Variants in NCOR2 observed in about 807,000 individuals in gnomAD.
NCOR2 encodes nuclear receptor corepressor 2.
A neutral mutation model predicts 262.9 loss-of-function variants in NCOR2; 81 were observed. The observed-to-expected ratio is 0.31, with a 90% CI of 0.26 to 0.37. The LOEUF (loss-of-function observed/expected upper bound fraction) is 0.37, where lower values mean the gene tolerates loss of function less well. NCOR2 is among the 10% of genes least tolerant of loss of function. The pLI, the probability that NCOR2 is intolerant of heterozygous loss-of-function variation, is 1.00. For missense variants in NCOR2, 3,385 were observed against 3,621.4 expected (o/e 0.93, Z 1.68); for synonymous variants, 1,659 against 1,559.3 (o/e 1.06, Z -1.51).
chr12:124,489,003 C>G (rs545427218), intron 1 of NCOR2, among the ~76,000 whole-genome samples: 3 of 151,886 alleles, frequency 2.0e-5, no homozygotes. Context: ...GGACCCTAAA[C>G]CCTGGGAGAC....
chr12:124,422,576 G>A lies in NCOR2; in HGVS notation c.1329-21C>T, dbSNP rs528769762. 324 of 1,613,596 alleles carry A rather than the reference G, an allele frequency of 2.0e-4. 3 individuals are homozygous for A. The East Asian group carries it at 3.0e-3, about 15-fold the overall frequency. ...TGAACCTGCGGGACGAGAAGGGTGG[G>A]CGTGAGACCTGGCCGAGGGGGGCTT... On this transcript the variant is annotated intron_variant, in intron 11 of 46. Coordinates refer to ENST00000405201, the Ensembl canonical transcript of NCOR2.
rs770427410 is a variant in NCOR2 at position 124,419,950 on chromosome 12, C to T, written c.1482+7G>A. ...GCAAGGACAGTCACCCCCACCTTGC[C>T]TCTTACCTGGCTCTTGCCGCGGCGC... On this transcript the variant is annotated splice_region_variant and intron_variant, in intron 13 of 46. Transcript: ENST00000405201. 5 of 1,613,320 alleles carry T rather than the reference C, an allele frequency of 3.1e-6. No homozygotes were observed. In the Admixed American group the frequency reaches 8.3e-5, roughly 27 times the overall value.
chr12:124,501,191 G>A (rs571006882), intron 1 of NCOR2, among the ~76,000 whole-genome samples: 8 of 151,910 alleles, frequency 5.3e-5, no homozygotes, highest in Non-Finnish European at 1.2e-4. Context: ...AACACAGGCC[G>A]TGCCTCCACT....
intron 41 of NCOR2, 43 bp from the exon 44 acceptor site, chr12:124,333,322 A>G: frequency 6.7e-7 from 1 of 1,485,740 alleles, no homozygotes; most frequent in Non-Finnish European, 9.0e-7. Context: ...AGGTCTCCCT[A>G]CTGAGGGGGC....
intron 27 of NCOR2, among the ~76,000 whole-genome samples, chr12:124,351,343 C>T (rs998876473): frequency 3.3e-5 from 5 of 151,956 alleles, no homozygotes; most frequent in African/African-American, 1.2e-4. Flanking sequence ...GGTTTTCCAC[C>T]TCGGCCCTCC....
intron 17 of NCOR2, among the ~76,000 whole-genome samples, chr12:124,384,749 G>A (rs150295653): frequency 2.1e-3 from 315 of 152,152 alleles, no homozygotes; most frequent in Middle Eastern, 0.01. Context: ...TGGCCTGCCC[G>A]GAACCCACTG....
chr12:124,492,236 TAC>T (rs1300069614), intron 1 of NCOR2, among the ~76,000 whole-genome samples: 1 of 152,158 alleles, frequency 6.6e-6, no homozygotes, highest in Non-Finnish European at 1.5e-5. Context: ...AAGAGATGAC[TAC>T]CCCGCGCTTG....
intron 22 of NCOR2, among the ~76,000 whole-genome samples, chr12:124,359,748 G>T (rs577412012): frequency 6.6e-6 from 1 of 152,368 alleles, no homozygotes; most frequent in African/African-American, 2.4e-5. Context: ...GCGGCCGAGA[G>T]CCTGGAGAGA....
chr12:124,364,681 T>G (rs1022672455), intron 20 of NCOR2, among the ~76,000 whole-genome samples: 1 of 152,180 alleles, frequency 6.6e-6, no homozygotes, highest in Non-Finnish European at 1.5e-5. Flanking sequence ...GCACCGGGTA[T>G]AGCACCTGCC....
chr12:124,361,550 G>A (rs891415920), intron 22 of NCOR2, among the ~76,000 whole-genome samples: 4 of 152,230 alleles, frequency 2.6e-5, no homozygotes, highest in African/African-American at 9.6e-5. Flanking sequence ...GTGACACAGC[G>A]GCTCGGGAGT....
chr12:124,357,742 A>T (rs1375714697), intron 22 of NCOR2, among the ~76,000 whole-genome samples: 1 of 152,262 alleles, frequency 6.6e-6, no homozygotes, highest in Non-Finnish European at 1.5e-5. Flanking sequence ...TCTTTGCAGG[A>T]AAAGCTTGCT....
At chr12:124,430,746 G>A (rs1245917343) in exon 9 of NCOR2, 2 of 1,614,056 alleles carry the variant, frequency 1.2e-6, no homozygotes, top group Admixed American at 3.3e-5. Context: ...TCTTCTCCCA[G>A]GCCTCCATGA....
In NCOR2 at chr12:124,566,956, C is replaced by T. The variant is rs1227267717; in HGVS notation, c.-165+352G>A. The stretch of plus-strand genomic sequence containing the variant: ...CGCCCCGCCAGGTCCGGGGCTACAC[C>T]GGGTACAAGGGACGCCTGGCGGCCA... On this transcript the variant is annotated intron_variant, in intron 1 of 32. Coordinates refer to the NCOR2 transcript ENST00000458234. The surrounding 1 kb of genome is among the most constrained non-coding windows in gnomAD (Gnocchi z 4.3). 6.6e-6 allele frequency among the ~76,000 whole-genome samples: 1 copy of T among 152,188 alleles called. No individual in the cohort carries two copies. The highest frequency in any genetic ancestry group is 1.5e-5 in the Non-Finnish European group (1 of 68,020).
chr12:124,428,090 C>CGTGTGTGTGTGTGTGTGTGT lies in NCOR2; in HGVS notation c.1150-1291_1150-1290insACACACACACACACACACAC, dbSNP rs1412280487. Among the ~76,000 whole-genome samples, 238 of 138,080 alleles carry CGTGTGTGTGTGTGTGTGTGT rather than the reference C, an allele frequency of 1.7e-3. 1 individual carries two copies. The highest frequency in any genetic ancestry group is 4.9e-3 in the East Asian group (22 of 4,516). The allele number at this position is 138,080 out of a possible 152,430, so 90.6% of individuals were successfully genotyped here. A position where few individuals can be genotyped will look rare whatever the true frequency, so the allele number is the denominator to read the frequency against. On this transcript the variant is annotated intron_variant, in intron 10 of 46. Coordinates refer to ENST00000405201, the Ensembl canonical transcript of NCOR2. ...GTGTGTGTGTGTGTGTGTGTGTGTA[C>CGTGTGTGTGTGTGTGTGTGT]ATGCAACAATCAGCCCAGGTGCCAC...
chr12:124,473,256 T>C, intron 3 of NCOR2, 125 bp from the exon 6 acceptor site: 3 of 1,161,126 alleles, frequency 2.6e-6, no homozygotes, highest in Non-Finnish European at 3.6e-6. Context: ...ATCCTCGGTA[T>C]GTCTGTGAGG....
At chr12:124,544,171 G>A (rs553849684) in intron 1 of NCOR2, among the ~76,000 whole-genome samples, 1 of 152,312 alleles carries the variant, frequency 6.6e-6, no homozygotes, top group African/African-American at 2.4e-5. Flanking sequence ...GAAGCTTCGG[G>A]AAACCTCTCT....
At chr12:124,411,377 G>GT (rs954706730) in intron 13 of NCOR2, among the ~76,000 whole-genome samples, 2 of 152,206 alleles carry the variant, frequency 1.3e-5, no homozygotes, top group Non-Finnish European at 2.9e-5. Context: ...ACAGTGGAGA[G>GT]TGGACGGCAG....
chr12:124,412,874 C>G (rs1395805003), intron 13 of NCOR2, among the ~76,000 whole-genome samples: 4 of 152,246 alleles, frequency 2.6e-5, no homozygotes, highest in Non-Finnish European at 4.4e-5. Context: ...CATCTGAGGA[C>G]TCAGACTGGG....
At chr12:124,524,170 C>A (rs2050337308) in intron 1 of NCOR2, among the ~76,000 whole-genome samples, 1 of 152,184 alleles carries the variant, frequency 6.6e-6, no homozygotes, top group African/African-American at 2.4e-5. Context: ...ATGAAGAAAA[C>A]TTGTTCTGGC....
Sources: gnomAD v4.1 joint callset for allele counts (sites outside exome capture counted in the v4.1 genomes callset) on GRCh38, gnomAD v4.1.1 for gene constraint, Gnocchi (gnomAD v3.1) non-coding constraint, MANE v1.5 for transcripts, NCBI Gene and HGNC (gene_info 2026-07-23, HGNC 2026-07-21) for gene names.